Variants in ORC4 observed in about 807,000 individuals in gnomAD.
The protein encoded by ORC4 is origin recognition complex, subunit 4 homolog.
A neutral mutation model predicts 63.9 loss-of-function variants in ORC4; 55 were observed. That is an observed-to-expected ratio of 0.86 (90% confidence interval 0.69 to 1.08). The LOEUF is 1.08. Ranked by LOEUF, ORC4 falls within the 50% of genes least tolerant of loss-of-function variation. The pLI is 0.00. For missense variants in ORC4, 511 were observed against 504.4 expected (o/e 1.01, Z -0.13); for synonymous variants, 150 against 168.5 (o/e 0.89, Z 0.85).
At chr2:147,966,000 G>A (rs1435562330) in intron 4 of ORC4, among the ~76,000 whole-genome samples, 1 of 152,152 alleles carries the variant, frequency 6.6e-6, no homozygotes, top group African/African-American at 2.4e-5. Flanking sequence ...GAGCCCAGGA[G>A]TTTGAGACCA....
chr2:147,974,759 T>C (rs1424221460), intron 2 of ORC4, among the ~76,000 whole-genome samples: 2 of 150,466 alleles, frequency 1.3e-5, no homozygotes, highest in African/African-American at 2.4e-5. Context: ...TCATAATGTG[T>C]ATTCCTCTAC....
intron 1 of ORC4, among the ~76,000 whole-genome samples, chr2:148,003,429 T>A (rs747741904): frequency 1.3e-5 from 2 of 152,192 alleles, no homozygotes; most frequent in African/African-American, 2.4e-5. Context: ...CAAGTTGGCT[T>A]CATCCCTGGG....
chr2:147,998,600 G>C (rs1692120398), intron 1 of ORC4, among the ~76,000 whole-genome samples: 1 of 152,174 alleles, frequency 6.6e-6, no homozygotes, highest in South Asian at 2.1e-4. Context: ...GATCTTGCCA[G>C]AAGCCAGGTC....
At chr2:148,002,639 A>G (rs1420686826) in intron 1 of ORC4, among the ~76,000 whole-genome samples, 2 of 152,184 alleles carry the variant, frequency 1.3e-5, no homozygotes, top group African/African-American at 4.8e-5. Context: ...TTATAGCACT[A>G]AATGCCCACA....
intron 10 of ORC4, among the ~76,000 whole-genome samples, chr2:147,941,272 C>A (rs1201396376): frequency 6.6e-6 from 1 of 150,466 alleles, no homozygotes; most frequent in Non-Finnish European, 1.5e-5. Context: ...TTTTTTTTTC[C>A]CAATTATAAA....
intron 1 of ORC4, among the ~76,000 whole-genome samples, chr2:148,005,479 C>T (rs1692567907): frequency 6.6e-6 from 1 of 151,692 alleles, no homozygotes; most frequent in African/African-American, 2.4e-5. Context: ...CACGTGTATA[C>T]CTATGTAACA....
chr2:148,017,682 A>G (rs1280448090), intron 1 of ORC4, among the ~76,000 whole-genome samples: 1 of 152,242 alleles, frequency 6.6e-6, no homozygotes, highest in Non-Finnish European at 1.5e-5. Context: ...CAGGGGGGAA[A>G]AAATCTCCAA....
At chr2:147,957,584 A>G (rs1380513299) in intron 6 of ORC4, among the ~76,000 whole-genome samples, 2 of 152,148 alleles carry the variant, frequency 1.3e-5, no homozygotes, top group East Asian at 3.8e-4. Context: ...AAACATTTCA[A>G]GTCAGTTTCT....
intron 2 of ORC4, among the ~76,000 whole-genome samples, chr2:147,973,795 A>G (rs547204755): frequency 3.7e-4 from 57 of 152,304 alleles, no homozygotes; most frequent in African/African-American, 1.3e-3. Flanking sequence ...TATATTAGCA[A>G]CTTAAGGGCC....
chr2:147,960,114 T>C, intron 4 of ORC4: 1 of 305,852 alleles, frequency 3.3e-6, no homozygotes, highest in Non-Finnish European at 4.8e-6. Flanking sequence ...TTTTATGTTT[T>C]GATGAATTAT....
chr2:147,939,688 T>G (rs2105261199), intron 10 of ORC4, among the ~76,000 whole-genome samples: 1 of 152,206 alleles, frequency 6.6e-6, no homozygotes, highest in South Asian at 2.1e-4. Context: ...GTTAGCTGTT[T>G]TATGTTCAAT....
chr2:147,960,425 G>C, intron 4 of ORC4: 1 of 795,080 alleles, frequency 1.3e-6, no homozygotes, highest in African/African-American at 1.9e-5. Flanking sequence ...TCTTGAATAT[G>C]TTATCATTTC....
At chr2:147,991,666 T>C (rs942179003) in intron 1 of ORC4, among the ~76,000 whole-genome samples, 1 of 152,002 alleles carries the variant, frequency 6.6e-6, no homozygotes, top group Middle Eastern at 3.2e-3. Flanking sequence ...CCGTCTCTAC[T>C]AAAAATACAA....
At chr2:148,003,605 G>A (rs923371975) in intron 1 of ORC4, among the ~76,000 whole-genome samples, 5 of 152,030 alleles carry the variant, frequency 3.3e-5, no homozygotes, top group African/African-American at 4.8e-5. Flanking sequence ...TCGATAGAAC[G>A]TATCTCAAAA....
chr2:147,961,411 T>A (rs769684493), intron 4 of ORC4, among the ~76,000 whole-genome samples: 7 of 147,092 alleles, frequency 4.8e-5, no homozygotes, highest in Non-Finnish European at 1.0e-4. Flanking sequence ...CACTCCAGCC[T>A]GGGCAACAGA....
intron 1 of ORC4, among the ~76,000 whole-genome samples, chr2:148,007,502 C>T (rs771229356): frequency 1.4e-4 from 22 of 152,090 alleles, no homozygotes; most frequent in Non-Finnish European, 2.6e-4. Context: ...AGCTTGAAGA[C>T]AGGTTTATGA....
At chr2:147,955,280 T>C in intron 7 of ORC4, 67 bp downstream of exon 7, 3 of 1,118,436 alleles carry the variant, frequency 2.7e-6, no homozygotes, top group Non-Finnish European at 1.3e-6. Context: ...TTGTATTACC[T>C]TTATAATCAG....
chr2:147,939,330 T>C (rs1688238838), intron 10 of ORC4, 82 bp from the exon 11 acceptor site: 6 of 814,160 alleles, frequency 7.4e-6, no homozygotes, highest in South Asian at 4.1e-5. Context: ...TGAATTTGTA[T>C]AGTTAATTCT....
At chr2:147,983,992 C>T (rs1162782435) in intron 1 of ORC4, among the ~76,000 whole-genome samples, 1 of 152,160 alleles carries the variant, frequency 6.6e-6, no homozygotes, top group Non-Finnish European at 1.5e-5. Context: ...TCTGGCAGAA[C>T]GGTTCTGAAT....
Sources: gnomAD v4.1 joint callset for allele counts (sites outside exome capture counted in the v4.1 genomes callset) on GRCh38, gnomAD v4.1.1 for gene constraint, MANE v1.5 for transcripts, NCBI Gene and HGNC (gene_info 2026-07-23, HGNC 2026-07-21) for gene names.